The following CDH12 variants were observed in gnomAD, a reference collection of about 807,000 sequenced individuals.
CDH12 encodes cadherin-12.
CDH12 carries 41 observed loss-of-function variants against 74.1 expected under a neutral mutation model. That is an observed-to-expected ratio of 0.55 (90% CI 0.43 to 0.72). The LOEUF (loss-of-function observed/expected upper bound fraction) is 0.72, where lower values mean the gene tolerates loss of function less well. Among genes scored for constraint, CDH12 ranks in the 30% least tolerant of loss-of-function variants. The pLI is 0.00. For missense variants in CDH12, 945 were observed against 977.2 expected (o/e 0.97, Z 0.44); for synonymous variants, 399 against 355.0 (o/e 1.12, Z -1.39).
chr5:22,218,133 A>C (rs1751885485), intron 3 of CDH12, among the ~76,000 whole-genome samples: 1 of 151,778 alleles, frequency 6.6e-6, no homozygotes, highest in Admixed American at 6.6e-5. Context: ...TAACCCTAAA[A>C]CACTGTTCAT....
chr5:22,305,032 T>G (rs1300007019), intron 3 of CDH12, among the ~76,000 whole-genome samples: 1 of 152,184 alleles, frequency 6.6e-6, no homozygotes, highest in East Asian at 1.9e-4. Context: ...CTAAAAATAC[T>G]CTCATGCCAT....
Position 21,783,406 on chromosome 5 carries a change from T to C in CDH12, c.1345A>G (p.Arg449Gly), listed in dbSNP as rs760714749. The stretch of plus-strand genomic sequence containing the variant: ...AAATTATACTGCGCAGTGCTTTCTC[T>C]GTCTAGTAATTCATTAGTGGCGATG... ...GTIATNELLD[R>G]ESTAQYNFSI... Residue 449 changes from arginine (R) to glycine (G), a missense_variant, in exon 11 of 15, where the codon AGA (arginine) becomes GGA (glycine). By Grantham distance (125) the Arg-to-Gly change is moderately radical. Coordinates refer to ENST00000382254, the MANE Select transcript of CDH12 (RefSeq NM_004061.5). The C allele has an allele frequency of 2.5e-6, 4 of 1,612,660 alleles. No individual in the cohort carries two copies. In the Admixed American group the frequency reaches 6.7e-5, roughly 27 times the overall value.
At chr5:22,327,428 CTGTGTGTGTGTG>C (rs71609761) in intron 3 of CDH12, among the ~76,000 whole-genome samples, 24 of 103,344 alleles carry the variant, frequency 2.3e-4, no homozygotes, top group South Asian at 1.9e-3. Context: ...ATTTGTGCCT[CTGTGTGTGTGTG>C]TGTGTGTGTG....
chr5:22,282,279 A>G (rs1736922847), intron 3 of CDH12, among the ~76,000 whole-genome samples: 1 of 152,166 alleles, frequency 6.6e-6, no homozygotes, highest in South Asian at 2.1e-4. Context: ...CGACCTAAAA[A>G]TCATAACAAC....
At chr5:22,490,833 T>G (rs1231245545) in intron 2 of CDH12, among the ~76,000 whole-genome samples, 1 of 152,126 alleles carries the variant, frequency 6.6e-6, no homozygotes, top group Admixed American at 6.5e-5. Context: ...CCTTACAGGT[T>G]TTGAGAGATG....
Position 22,316,975 on chromosome 5 carries a change from T to C in CDH12, c.-333+88282A>G, listed in dbSNP as rs140510507. Among the ~76,000 whole-genome samples, 28 of 152,282 alleles carry C rather than the reference T, an allele frequency of 1.8e-4. No homozygotes were observed. The East Asian group carries it at 2.1e-3, about 12-fold the overall frequency. The stretch of plus-strand genomic sequence containing the variant: ...CAGATATCAGGAGGAATATTGCTAC[T>C]CTACTAGATGAGAAATGTACCACTT... On this transcript the variant is annotated intron_variant, in intron 3 of 14. Coordinates refer to ENST00000382254, the MANE Select transcript of CDH12 (RefSeq NM_004061.5).
chr5:21,909,854 T>G lies in CDH12; in HGVS notation c.527-55064A>C, dbSNP rs144678222. 3.5e-3 allele frequency among the ~76,000 whole-genome samples: 535 copies of G among 152,276 alleles called. 4 individuals carry two copies. The highest frequency in any genetic ancestry group is 0.012 in the African/African-American group (500 of 41,548). On this transcript the variant is annotated intron_variant, in intron 6 of 14. Transcript: ENST00000382254. ...TTTTTGCATTTTGTCACTCATTGATTATAACATCATCATAGACTGAAACCT... is the reference window on the plus strand; with the variant it reads ...TTTTTGCATTTTGTCACTCATTGATGATAACATCATCATAGACTGAAACCT...
chr5:21,811,997 C>T (rs1747771278), intron 9 of CDH12, among the ~76,000 whole-genome samples: 1 of 151,994 alleles, frequency 6.6e-6, no homozygotes, highest in Non-Finnish European at 1.5e-5. Flanking sequence ...ACCTGACCAT[C>T]ATTTTTGTTT....
chr5:21,937,830 C>G (rs2150086978), intron 6 of CDH12, among the ~76,000 whole-genome samples: 1 of 152,288 alleles, frequency 6.6e-6, no homozygotes, highest in Non-Finnish European at 1.5e-5. Context: ...CCCCTGGAGG[C>G]CTCTCCACTG....
intron 1 of CDH12, among the ~76,000 whole-genome samples, chr5:22,661,005 G>A (rs1740318213): frequency 6.6e-6 from 1 of 152,124 alleles, no homozygotes; most frequent in South Asian, 2.1e-4. Context: ...AATCTGAGAT[G>A]GGTAACTTTC....
chr5:21,831,587 G>T (rs1328672366), intron 8 of CDH12, among the ~76,000 whole-genome samples: 1 of 152,112 alleles, frequency 6.6e-6, no homozygotes, highest in Non-Finnish European at 1.5e-5. Flanking sequence ...CTAAGGACTT[G>T]TGAACTTGAG....
rs182602456 is a variant in CDH12 at position 22,674,569 on chromosome 5, T to C, written c.-522-169205A>G. Reference sequence around the variant, plus strand: ...AGATACCTGAAAATGTGGAAGTGACTTTAGAACTGGGTAACAGGCAGAAGT... The same window carrying C: ...AGATACCTGAAAATGTGGAAGTGACCTTAGAACTGGGTAACAGGCAGAAGT... On this transcript the variant is annotated intron_variant, in intron 1 of 14. Transcript: ENST00000382254. 2.0e-5 allele frequency among the ~76,000 whole-genome samples: 3 copies of C among 152,248 alleles called. No homozygotes were observed. In the East Asian group the frequency reaches 5.8e-4, roughly 29 times the overall value.
intron 1 of CDH12, among the ~76,000 whole-genome samples, chr5:22,598,789 T>C (rs10060852): frequency 0.15 from 22,431 of 152,174 alleles, 2,159 homozygotes; most frequent in Admixed American, 0.33. Context: ...CTGGCAACTA[T>C]ACACATATGC....
At position 22,376,178 on chromosome 5, in the gene CDH12, G is replaced by A. The variant is rs184034804; in HGVS notation, c.-333+29079C>T. ...CATGGATGGAACCAGAGGTCATTATGTTAAGTGAGAAAAGCTAGGCACAGA... is the reference window on the plus strand; with the variant it reads ...CATGGATGGAACCAGAGGTCATTATATTAAGTGAGAAAAGCTAGGCACAGA... On this transcript the variant is annotated intron_variant, in intron 3 of 14. Transcript: ENST00000382254. Among the ~76,000 whole-genome samples, 195 of 152,288 alleles carry A rather than the reference G, an allele frequency of 1.3e-3. 1 individual carries two copies. The highest frequency in any genetic ancestry group is 4.5e-3 in the African/African-American group (188 of 41,566).
At chr5:21,938,456 T>C (rs1412117192) in intron 6 of CDH12, among the ~76,000 whole-genome samples, 1 of 147,604 alleles carries the variant, frequency 6.8e-6, no homozygotes, top group Non-Finnish European at 1.5e-5. Context: ...TTATGAGTTA[T>C]GTACAGTGGA....
intron 1 of CDH12, among the ~76,000 whole-genome samples, chr5:22,802,260 TA>T (rs1275562095): frequency 6.6e-6 from 1 of 151,730 alleles, no homozygotes; most frequent in African/African-American, 2.4e-5. Context: ...TAGCTGGGAC[TA>T]CAGGCGCCCG....
intron 1 of CDH12, among the ~76,000 whole-genome samples, chr5:22,564,049 G>A (rs1485419272): frequency 6.6e-6 from 1 of 152,042 alleles, no homozygotes; most frequent in Non-Finnish European, 1.5e-5. Flanking sequence ...TGAATCTATA[G>A]CCTTAAAAAA....
intron 2 of CDH12, among the ~76,000 whole-genome samples, chr5:22,424,622 G>A (rs1743814793): frequency 1.3e-5 from 2 of 152,212 alleles, no homozygotes; most frequent in East Asian, 3.9e-4. Flanking sequence ...AGAGTTAACC[G>A]ATACACATGG....
chr5:21,965,994 C>T (rs1225472942), intron 6 of CDH12, among the ~76,000 whole-genome samples: 1 of 151,998 alleles, frequency 6.6e-6, no homozygotes, highest in Non-Finnish European at 1.5e-5. Context: ...GAGTCTATAA[C>T]ATTGAAAGAC....
Sources: gnomAD v4.1 joint callset for allele counts (sites outside exome capture counted in the v4.1 genomes callset) on GRCh38, gnomAD v4.1.1 for gene constraint, MANE v1.5 for transcripts, NCBI Gene and HGNC (gene_info 2026-07-23, HGNC 2026-07-21) for gene names.